GRIK2: variants seen among roughly 807,000 people sequenced by gnomAD.
GRIK2 encodes the protein glutamate receptor ionotropic, kainate 2.
In GRIK2, 32 loss-of-function variants were observed where a neutral mutation model predicts 100.3. The observed-to-expected ratio is 0.32, with a 90% CI of 0.24 to 0.43. The LOEUF is 0.43. Among genes scored for constraint, GRIK2 ranks in the 20% least tolerant of loss-of-function variants. The probability of loss-of-function intolerance (pLI) is 1.00; values close to 1 mark genes in which losing one functional copy is unlikely to be tolerated. For missense variants in GRIK2, 843 were observed against 1,114.9 expected (o/e 0.76, Z 3.47); for synonymous variants, 417 against 389.4 (o/e 1.07, Z -0.83).
intron 4 of GRIK2, among the ~76,000 whole-genome samples, chr6:101,633,151 T>G (rs1780843253): frequency 6.6e-6 from 1 of 152,104 alleles, no homozygotes; most frequent in South Asian, 2.1e-4. Flanking sequence ...CCACCTTTTC[T>G]TGCCCACCCT....
At chr6:101,636,585 GT>G (rs1232602093) in intron 4 of GRIK2, among the ~76,000 whole-genome samples, 1 of 152,020 alleles carries the variant, frequency 6.6e-6, no homozygotes, top group Admixed American at 6.6e-5. Context: ...TAATTCTCAA[GT>G]TTTAAAACCT....
At chr6:101,651,004 CTTTTTTT>C (rs3056156) in intron 4 of GRIK2, among the ~76,000 whole-genome samples, 15 of 119,512 alleles carry the variant, frequency 1.3e-4, no homozygotes, top group African/African-American at 3.6e-4. Context: ...CTTTCTTTTT[CTTTTTTT>C]TTTTTTTTTT....
chr6:101,772,641 A>T (rs1778477138), intron 7 of GRIK2, among the ~76,000 whole-genome samples: 1 of 138,962 alleles, frequency 7.2e-6, no homozygotes, highest in African/African-American at 2.7e-5. Context: ...TCTTGAAAAA[A>T]ACTAGTGAAA....
chr6:101,922,121 TTCCTTCCTTCCTTCCTTCCC>T (rs1280514449), intron 12 of GRIK2, among the ~76,000 whole-genome samples: 170 of 15,382 alleles, frequency 0.011, 5 homozygotes, highest in African/African-American at 0.045. Context: ...CCTTCCTTCC[TTCCTTCCTTCCTTCCTTCCC>T]TCCCTTCCTC....
chr6:102,042,236 T>G (rs1263695401), intron 15 of GRIK2, among the ~76,000 whole-genome samples: 1 of 151,620 alleles, frequency 6.6e-6, no homozygotes, highest in Admixed American at 6.6e-5. Flanking sequence ...TAAACAGAGC[T>G]CAAGATATAC....
intron 2 of GRIK2, among the ~76,000 whole-genome samples, chr6:101,452,450 T>A (rs1021477495): frequency 3.9e-5 from 1 of 25,800 alleles, no homozygotes; most frequent in African/African-American, 2.4e-4. Flanking sequence ...AATTTTTGTG[T>A]TTTTTTTTTC....
At chr6:101,933,222 G>A (rs958253611) in intron 14 of GRIK2, among the ~76,000 whole-genome samples, 6 of 152,038 alleles carry the variant, frequency 3.9e-5, no homozygotes, top group African/African-American at 9.6e-5. Context: ...TTAGAAATAC[G>A]TTTGTTATCC....
chr6:101,817,750 G>T (rs529149855), intron 9 of GRIK2, among the ~76,000 whole-genome samples: 2 of 152,272 alleles, frequency 1.3e-5, no homozygotes, highest in East Asian at 3.9e-4. Context: ...ATATTAAATG[G>T]ATCACAGAAG....
At chr6:101,660,334 G>C (rs563275995) in intron 4 of GRIK2, among the ~76,000 whole-genome samples, 1 of 152,030 alleles carries the variant, frequency 6.6e-6, no homozygotes, top group Non-Finnish European at 1.5e-5. Flanking sequence ...GGTCATTTAT[G>C]TTCTTTTCTA....
At chr6:101,505,340 G>C (rs1773967643) in intron 2 of GRIK2, among the ~76,000 whole-genome samples, 1 of 152,096 alleles carries the variant, frequency 6.6e-6, no homozygotes, top group Non-Finnish European at 1.5e-5. Context: ...ACTTGCCGAA[G>C]CTTTCCTCAG....
intron 2 of GRIK2, among the ~76,000 whole-genome samples, chr6:101,499,357 G>A (rs951282410): frequency 5.9e-5 from 9 of 151,998 alleles, no homozygotes; most frequent in Admixed American, 2.0e-4. Flanking sequence ...CTTTTCTCCA[G>A]GGAACTTTAT....
At chr6:101,674,550 C>G (rs1344416972) in intron 4 of GRIK2, among the ~76,000 whole-genome samples, 1 of 152,164 alleles carries the variant, frequency 6.6e-6, no homozygotes, top group Non-Finnish European at 1.5e-5. Flanking sequence ...TAAACTCTAG[C>G]AGGTATTACA....
At chr6:101,990,820 C>T (rs1794311549) in intron 14 of GRIK2, among the ~76,000 whole-genome samples, 1 of 140,856 alleles carries the variant, frequency 7.1e-6, no homozygotes, top group South Asian at 2.4e-4. Flanking sequence ...ATACTTATTT[C>T]ATTGTCATTA....
chr6:101,858,081 G>T (rs1168429107), intron 10 of GRIK2, among the ~76,000 whole-genome samples: 1 of 152,152 alleles, frequency 6.6e-6, no homozygotes, highest in Non-Finnish European at 1.5e-5. Context: ...TCTCTGAAAA[G>T]ACTTTCAGGA....
chr6:101,702,904 T>C (rs1323533620), intron 7 of GRIK2, among the ~76,000 whole-genome samples: 2 of 151,874 alleles, frequency 1.3e-5, no homozygotes, highest in Non-Finnish European at 2.9e-5. Flanking sequence ...CCCAGCACAC[T>C]GATAGGTTGC....
intron 14 of GRIK2, among the ~76,000 whole-genome samples, chr6:101,949,197 C>T (rs1434079636): frequency 1.3e-5 from 2 of 150,092 alleles, no homozygotes; most frequent in Non-Finnish European, 3.0e-5. Context: ...TGTGTTTTTG[C>T]GATTTTTTTT....
intron 14 of GRIK2, among the ~76,000 whole-genome samples, chr6:101,988,451 C>A (rs77719656): frequency 0.01 from 1,531 of 151,784 alleles, 40 homozygotes; most frequent in East Asian, 0.069. Flanking sequence ...CTATAAAAGG[C>A]AGCACAATAC....
intron 14 of GRIK2, among the ~76,000 whole-genome samples, chr6:101,942,767 G>C (rs747268784): frequency 3.3e-5 from 5 of 152,204 alleles, no homozygotes; most frequent in Admixed American, 6.5e-5. Context: ...TGTTCACAAA[G>C]AGATGGTCTG....
At chr6:101,899,915 A>G (rs11156160) in intron 12 of GRIK2, among the ~76,000 whole-genome samples, 14,435 of 152,060 alleles carry the variant, frequency 0.095, 823 homozygotes, top group Middle Eastern at 0.2. Context: ...GTATTTCAGT[A>G]TAAGTTCAGC....
Sources: allele counts gnomAD v4.1 joint callset (sites outside exome capture counted in the v4.1 genomes callset), GRCh38; gene constraint gnomAD v4.1.1; transcripts MANE v1.5; gene names NCBI Gene and HGNC (gene_info 2026-07-23, HGNC 2026-07-21).